SEMA3A: variants seen among roughly 807,000 people sequenced by gnomAD.
SEMA3A encodes semaphorin-3A.
SEMA3A carries 29 observed loss-of-function variants against 97.9 expected under a neutral mutation model. The ratio of observed to expected loss-of-function variants is 0.30; its 90% CI spans 0.22 to 0.40. The LOEUF is 0.40. SEMA3A is among the 10% of genes least tolerant of loss of function. The pLI is 1.00. For missense variants in SEMA3A, 763 were observed against 951.3 expected, an observed-to-expected ratio of 0.80 and a Z score of 2.60; for synonymous variants, 321 against 323.7, an observed-to-expected ratio of 0.99 and a Z score of 0.09.
In SEMA3A at chr7:84,220,534, A is replaced by C. The variant is rs1236044273; in HGVS notation, c.-82-25866T>G. ...ATCAGTGGGAGTTATAGCCTTATGA[A>C]ATGTATTTCTTAACTAATAAGACTT... On this transcript the variant is annotated intron_variant, in intron 3 of 3. Transcript: ENST00000424555. 2.0e-5 allele frequency among the ~76,000 whole-genome samples: 3 copies of C among 152,286 alleles called. No individual in the cohort carries two copies. In the East Asian group the frequency reaches 5.8e-4, roughly 29 times the overall value.
chr7:84,390,703 A>C (rs1803547200), intron 1 of SEMA3A, among the ~76,000 whole-genome samples: 1 of 152,150 alleles, frequency 6.6e-6, no homozygotes, highest in East Asian at 1.9e-4. Flanking sequence ...TAACAGGATA[A>C]AAAGAAGCAA....
intron 5 of SEMA3A, among the ~76,000 whole-genome samples, chr7:84,056,356 T>C (rs868221516): frequency 7.2e-5 from 11 of 152,210 alleles, no homozygotes; most frequent in African/African-American, 2.7e-4. Flanking sequence ...CTTAGATCAG[T>C]GAATGTATTG....
Position 84,358,576 on chromosome 7 carries a change from C to T in SEMA3A, c.-169+13248G>A, listed in dbSNP as rs182483958. 1.8e-3 allele frequency among the ~76,000 whole-genome samples: 271 copies of T among 152,220 alleles called. 1 individual carries two copies. The highest frequency in any genetic ancestry group is 6.3e-3 in the African/African-American group (261 of 41,544). On this transcript the variant is annotated intron_variant, in intron 2 of 3. Coordinates refer to the SEMA3A transcript ENST00000424555. ...AGTTTGAAGTCAGGTAGCATGATGC[C>T]TCCAGCTTTGTTCTTTTGGCTTAGG...
chr7:84,067,615 C>A (rs897661644), intron 4 of SEMA3A, among the ~76,000 whole-genome samples: 4 of 152,140 alleles, frequency 2.6e-5, no homozygotes, highest in African/African-American at 9.7e-5. Flanking sequence ...TGGCGAAGGA[C>A]ATGAACAGAC....
intron 1 of SEMA3A, among the ~76,000 whole-genome samples, chr7:84,150,188 G>A (rs970773758): frequency 3.3e-5 from 5 of 152,256 alleles, no homozygotes; most frequent in South Asian, 2.1e-4. Context: ...AAATTGTTAC[G>A]AAAATAATTA....
At chr7:84,249,051 A>G (rs537630097) in intron 3 of SEMA3A, among the ~76,000 whole-genome samples, 16 of 152,132 alleles carry the variant, frequency 1.1e-4, no homozygotes, top group Non-Finnish European at 1.9e-4. Context: ...ATGCAGTTCA[A>G]CTTTTCGCTT....
intron 1 of SEMA3A, among the ~76,000 whole-genome samples, chr7:84,146,260 G>C (rs148213606): frequency 1.3e-5 from 2 of 152,264 alleles, no homozygotes; most frequent in Non-Finnish European, 2.9e-5. Context: ...TGGTTAACTA[G>C]ATAATCAATC....
intron 12 of SEMA3A, among the ~76,000 whole-genome samples, chr7:83,993,528 C>T (rs1436834353): frequency 1.3e-5 from 2 of 150,810 alleles, no homozygotes; most frequent in Non-Finnish European, 2.9e-5. Flanking sequence ...CAAAATCTCT[C>T]AGCATTTGCT....
At chr7:84,129,299 G>A (rs1414289290) in intron 2 of SEMA3A, 114 bp from the exon 3 acceptor site, 1 of 841,204 alleles carries the variant, frequency 1.2e-6, no homozygotes, top group African/African-American at 1.7e-5. Context: ...GTTCCATAAA[G>A]ACTGTTTCAG....
chr7:84,181,840 G>C (rs1230160648), intron 1 of SEMA3A, among the ~76,000 whole-genome samples: 3 of 152,122 alleles, frequency 2.0e-5, no homozygotes, highest in Admixed American at 1.3e-4. Flanking sequence ...AGGTAAAATA[G>C]TTTATGAGCA....
chr7:84,158,274 C>T (rs891456985), intron 1 of SEMA3A, among the ~76,000 whole-genome samples: 2 of 150,872 alleles, frequency 1.3e-5, no homozygotes, highest in African/African-American at 4.9e-5. Context: ...CCCACCTCAG[C>T]CTCCTGAGTA....
intron 4 of SEMA3A, 96 bp downstream of exon 4, chr7:84,110,374 G>T: frequency 7.1e-7 from 1 of 1,408,264 alleles, no homozygotes; most frequent in South Asian, 1.3e-5. Flanking sequence ...ACTGAATAGT[G>T]AACCACAAGC....
chr7:84,112,604 CATA>C (rs1795307472), intron 3 of SEMA3A, among the ~76,000 whole-genome samples: 1 of 152,252 alleles, frequency 6.6e-6, no homozygotes, highest in Non-Finnish European at 1.5e-5. Context: ...TGTTATGAAT[CATA>C]ATGTCCCAGA....
chr7:84,094,176 C>T (rs1288543468), intron 4 of SEMA3A, among the ~76,000 whole-genome samples: 1 of 152,004 alleles, frequency 6.6e-6, no homozygotes, highest in African/African-American at 2.4e-5. Context: ...CGAAAAGGAA[C>T]CATATGCCTT....
intron 1 of SEMA3A, among the ~76,000 whole-genome samples, chr7:84,433,914 G>C (rs1343367642): frequency 6.6e-6 from 1 of 152,024 alleles, no homozygotes; most frequent in African/African-American, 2.4e-5. Flanking sequence ...CACACTTTTT[G>C]ATGGGTTTGT....
intron 2 of SEMA3A, among the ~76,000 whole-genome samples, chr7:84,336,116 C>T (rs1802033329): frequency 6.6e-6 from 1 of 152,022 alleles, no homozygotes; most frequent in Non-Finnish European, 1.5e-5. Context: ...TTCCTAGACA[C>T]CATATTTAGA....
At chr7:84,153,497 G>T (rs1456055475) in intron 1 of SEMA3A, among the ~76,000 whole-genome samples, 1 of 152,074 alleles carries the variant, frequency 6.6e-6, no homozygotes, top group Non-Finnish European at 1.5e-5. Flanking sequence ...AATAAAAGGT[G>T]AATTTTTTCC....
At chr7:84,168,377 TAAC>T (rs1797281124) in intron 1 of SEMA3A, among the ~76,000 whole-genome samples, 1 of 152,052 alleles carries the variant, frequency 6.6e-6, no homozygotes, top group African/African-American at 2.4e-5. Flanking sequence ...CATGCTGAGA[TAAC>T]AATTTATTTT....
chr7:84,468,293 C>T (rs1173380198), intron 1 of SEMA3A, among the ~76,000 whole-genome samples: 1 of 152,154 alleles, frequency 6.6e-6, no homozygotes, highest in Non-Finnish European at 1.5e-5. Flanking sequence ...GCCCTTTTCC[C>T]CATCTTCCTA....
Sources: allele counts gnomAD v4.1 joint callset (sites outside exome capture counted in the v4.1 genomes callset), GRCh38; gene constraint gnomAD v4.1.1; transcripts MANE v1.5; gene names NCBI Gene and HGNC (gene_info 2026-07-23, HGNC 2026-07-21).